Variants in ATP9B observed in about 807,000 individuals in gnomAD.
ATP9B encodes probable phospholipid-transporting ATPase IIB.
A neutral mutation model predicts 146.1 loss-of-function variants in ATP9B; 110 were observed. That is an observed-to-expected ratio of 0.75 (90% CI 0.65 to 0.88). The LOEUF is 0.88. ATP9B is among the 40% of genes least tolerant of loss of function. ATP9B has a pLI of 0.00. For missense variants in ATP9B, 1,499 were observed against 1,496.4 expected, an observed-to-expected ratio of 1.00 and a Z score of -0.03; for synonymous variants, 604 against 569.7, an observed-to-expected ratio of 1.06 and a Z score of -0.86.
In ATP9B at chr18:79,146,977, A is replaced by G. The variant is rs1169597094; in HGVS notation, c.726+3117A>G. The G allele has an allele frequency of 2.0e-5, 3 of 152,408 alleles. No homozygotes were observed. The East Asian group carries it at 5.8e-4, about 29-fold the overall frequency. The allele number at this position is 152,408 out of a possible 1,614,324, so 9.4% of individuals were successfully genotyped here. ...TGTGTGCACGAAAGTCTCTTCAAAT[A>G]CAGTGACATAGATAGGATGAAAGTA... is the stretch of plus-strand genomic sequence containing the variant. On this transcript the variant is annotated intron_variant, in intron 6 of 29. Transcript: ENST00000426216.
intron 15 of ATP9B, among the ~76,000 whole-genome samples, chr18:79,316,941 A>C (rs1488532458): frequency 1.3e-5 from 2 of 152,270 alleles, no homozygotes; most frequent in Non-Finnish European, 1.5e-5. Flanking sequence ...TCCATATGTA[A>C]GAGTGTATAA....
intron 2 of ATP9B, among the ~76,000 whole-genome samples, chr18:79,098,150 A>G (rs1368733449): frequency 2.0e-5 from 3 of 151,966 alleles, no homozygotes; most frequent in East Asian, 1.9e-4. Context: ...AGGATTCCCT[A>G]TTTAATAAAT....
At chr18:79,096,718 C>T in intron 2 of ATP9B, 69 bp downstream of exon 2, 6 of 1,170,752 alleles carry the variant, frequency 5.1e-6, no homozygotes, top group Non-Finnish European at 7.2e-6. Flanking sequence ...TTCTAATATA[C>T]TTATTAGCTA....
intron 9 of ATP9B, among the ~76,000 whole-genome samples, chr18:79,203,394 G>C (rs1310910277): frequency 6.6e-6 from 1 of 152,194 alleles, no homozygotes; most frequent in African/African-American, 2.4e-5. Flanking sequence ...GCAGGCAGGA[G>C]GCCCTGGAGG....
At chr18:79,376,391 T>A in intron 29 of ATP9B, 1 of 584,834 alleles carries the variant, frequency 1.7e-6, no homozygotes, top group South Asian at 7.0e-5. Context: ...CTGCAACCAT[T>A]TTTTTTTTTT....
intron 6 of ATP9B, among the ~76,000 whole-genome samples, chr18:79,152,104 C>G (rs1187596211): frequency 6.6e-6 from 1 of 152,124 alleles, no homozygotes; most frequent in African/African-American, 2.4e-5. Context: ...TAGAGAAAAG[C>G]AAATTAAAAC....
chr18:79,316,582 A>G (rs919027306), intron 15 of ATP9B, among the ~76,000 whole-genome samples: 2 of 152,076 alleles, frequency 1.3e-5, no homozygotes. Flanking sequence ...GCAGGGATCC[A>G]CCTCCCAAAT....
intron 4 of ATP9B, among the ~76,000 whole-genome samples, chr18:79,124,637 T>G (rs1599730493): frequency 6.6e-6 from 1 of 152,236 alleles, no homozygotes; most frequent in East Asian, 1.9e-4. Flanking sequence ...AGGAGACTAC[T>G]CATAGTTCCC....
intron 12 of ATP9B, among the ~76,000 whole-genome samples, chr18:79,270,803 C>G (rs1435980491): frequency 1.3e-5 from 2 of 152,176 alleles, no homozygotes; most frequent in African/African-American, 4.8e-5. Context: ...TTGAGCTTGC[C>G]TGGGGAATGA....
chr18:79,320,401 T>G (rs935701090), intron 15 of ATP9B, among the ~76,000 whole-genome samples: 1 of 152,110 alleles, frequency 6.6e-6, no homozygotes, highest in African/African-American at 2.4e-5. Context: ...GAGCCGAAAG[T>G]AAGACTGCCT....
chr18:79,092,015 A>G (rs943536476), intron 1 of ATP9B, among the ~76,000 whole-genome samples: 3 of 152,090 alleles, frequency 2.0e-5, no homozygotes, highest in African/African-American at 7.2e-5. Flanking sequence ...TATGCTAGGC[A>G]GTTCTTTTTT....
intron 15 of ATP9B, among the ~76,000 whole-genome samples, chr18:79,326,900 G>A (rs574700916): frequency 1.3e-5 from 2 of 151,216 alleles, no homozygotes; most frequent in Admixed American, 6.6e-5. Flanking sequence ...TCCACTGTGT[G>A]CCCTCACACC....
intron 11 of ATP9B, among the ~76,000 whole-genome samples, chr18:79,232,520 C>A (rs558494693): frequency 1.3e-4 from 20 of 152,328 alleles, no homozygotes; most frequent in African/African-American, 4.6e-4. Flanking sequence ...AAGCCCCACA[C>A]TAAAGGCTTG....
intron 11 of ATP9B, among the ~76,000 whole-genome samples, chr18:79,233,881 A>G (rs1315523080): frequency 1.3e-5 from 2 of 152,236 alleles, no homozygotes; most frequent in Non-Finnish European, 2.9e-5. Context: ...TAAACTACAG[A>G]AAAGAATGCT....
At chr18:79,071,357 A>G (rs560718544) in intron 1 of ATP9B, among the ~76,000 whole-genome samples, 45 of 133,814 alleles carry the variant, frequency 3.4e-4, no homozygotes, top group Non-Finnish European at 1.6e-4. Context: ...AGTGTATTGC[A>G]TATACCACAT....
intron 10 of ATP9B, among the ~76,000 whole-genome samples, chr18:79,210,848 T>C (rs1462601552): frequency 6.6e-6 from 1 of 152,212 alleles, no homozygotes; most frequent in Non-Finnish European, 1.5e-5. Context: ...AGTCAACAAA[T>C]ACATTGATTT....
chr18:79,126,406 T>A (rs750694379), intron 5 of ATP9B, 31 bp downstream of exon 5: 1 of 1,455,744 alleles, frequency 6.9e-7, no homozygotes, highest in Non-Finnish European at 9.6e-7. Context: ...CTGCTTAGCG[T>A]TTGCTTACTG....
At chr18:79,093,896 A>G (rs1396170760) in intron 1 of ATP9B, among the ~76,000 whole-genome samples, 1 of 152,244 alleles carries the variant, frequency 6.6e-6, no homozygotes, top group Non-Finnish European at 1.5e-5. Context: ...TATGTTTTTC[A>G]TACTGCAATT....
chr18:79,186,122 A>G (rs1483291927), intron 8 of ATP9B, among the ~76,000 whole-genome samples: 1 of 152,248 alleles, frequency 6.6e-6, no homozygotes, highest in Non-Finnish European at 1.5e-5. Context: ...CCACAAGGCC[A>G]CAGTAACTTT....
Sources: gnomAD v4.1 joint callset for allele counts (sites outside exome capture counted in the v4.1 genomes callset) on GRCh38, gnomAD v4.1.1 for gene constraint, MANE v1.5 for transcripts, NCBI Gene and HGNC (gene_info 2026-07-23, HGNC 2026-07-21) for gene names.